The following CERT1 variants were observed in gnomAD, a reference collection of about 807,000 sequenced individuals.
The protein encoded by CERT1 is ceramide transfer protein.
Under a neutral mutation model 87.9 loss-of-function variants are expected in CERT1, and 31 were observed. That is an observed-to-expected ratio of 0.35 (90% CI 0.27 to 0.48). CERT1 has a LOEUF of 0.48. CERT1 is among the 20% of genes least tolerant of loss of function. The pLI is 0.99. For missense variants in CERT1, 487 were observed against 758.0 expected, an observed-to-expected ratio of 0.64 and a Z score of 4.20; for synonymous variants, 289 against 250.9, an observed-to-expected ratio of 1.15 and a Z score of -1.44.
At chr5:75,403,156 A>T in intron 8 of CERT1, 98 bp from the exon 9 acceptor site, 1 of 781,894 alleles carries the variant, frequency 1.3e-6, no homozygotes. Context: ...TTGACCTAAT[A>T]AACATTTATT....
intron 11 of CERT1, 55 bp downstream of exon 11, chr5:75,399,255 A>T: frequency 7.6e-7 from 1 of 1,309,320 alleles, no homozygotes; most frequent in African/African-American, 1.5e-5. Context: ...CTGGGAAAGC[A>T]GGCTGAAATA....
intron 2 of CERT1, among the ~76,000 whole-genome samples, chr5:75,486,060 T>C (rs1200669668): frequency 2.6e-5 from 4 of 151,840 alleles, no homozygotes; most frequent in African/African-American, 4.8e-5. Flanking sequence ...ACAAAGAAAA[T>C]TGCCGGCCAA....
Position 75,436,353 on chromosome 5 carries a change from T to C in CERT1, c.349-9875A>G, listed in dbSNP as rs151041762. Among the ~76,000 whole-genome samples, 473 of 152,318 alleles carry C rather than the reference T, an allele frequency of 3.1e-3. 3 individuals carry two copies. The highest frequency in any genetic ancestry group is 6.2e-3 in the South Asian group (30 of 4,828). ...CGGCCACCTGTGTGGAAAATTCTTA[T>C]GAAAGAATGAGGTGTATTAAAATCC... On this transcript the variant is annotated intron_variant, in intron 3 of 16. Coordinates refer to ENST00000643780, the MANE Select transcript of CERT1 (RefSeq NM_001379029.1).
At chr5:75,422,829 A>G (rs1348199303) in intron 5 of CERT1, among the ~76,000 whole-genome samples, 1 of 152,204 alleles carries the variant, frequency 6.6e-6, no homozygotes, top group Non-Finnish European at 1.5e-5. Context: ...CTAATCCACT[A>G]TGACTGTACA....
intron 15 of CERT1, 81 bp from the exon 16 acceptor site, chr5:75,381,282 CAAAATCGTAACTCTTAA>C: frequency 6.7e-7 from 1 of 1,483,252 alleles, no homozygotes; most frequent in Non-Finnish European, 9.3e-7. Flanking sequence ...TTAGGTTAAC[CAAAATCGTAACTCTTAA>C]AAGTATCTCC....
At chr5:75,379,928 T>C (rs1761496086) in intron 16 of CERT1, among the ~76,000 whole-genome samples, 1 of 152,102 alleles carries the variant, frequency 6.6e-6, no homozygotes, top group African/African-American at 2.4e-5. Flanking sequence ...TCCTTAACAC[T>C]ATCCATCAGA....
At chr5:75,368,655 T>C (rs1760976476) in exon 18 of CERT1, 1 of 152,218 alleles carries the variant, frequency 6.6e-6, no homozygotes, top group Non-Finnish European at 1.5e-5. Flanking sequence ...TTTCATCCTC[T>C]GAGCTGGAGG....
intron 3 of CERT1, among the ~76,000 whole-genome samples, chr5:75,431,165 C>T (rs573284393): frequency 1.8e-4 from 27 of 152,264 alleles, no homozygotes; most frequent in African/African-American, 4.8e-4. Flanking sequence ...TCACCTAGGA[C>T]GTGAGCTTAG....
At chr5:75,404,306 A>C (rs990355746) in intron 8 of CERT1, among the ~76,000 whole-genome samples, 16 of 151,702 alleles carry the variant, frequency 1.1e-4, no homozygotes, top group African/African-American at 1.7e-4. Context: ...AAAAAAAAAA[A>C]AAAAAAAACA....
intron 2 of CERT1, among the ~76,000 whole-genome samples, chr5:75,470,884 A>G (rs1265805779): frequency 6.6e-6 from 1 of 152,204 alleles, no homozygotes; most frequent in Admixed American, 6.5e-5. Flanking sequence ...TGAATTCAGT[A>G]AGCTTGCAGG....
intron 3 of CERT1, among the ~76,000 whole-genome samples, chr5:75,448,595 A>AATACTC (rs1580785656): frequency 6.6e-6 from 1 of 152,172 alleles, no homozygotes; most frequent in East Asian, 1.9e-4. Context: ...CTAATGTCCT[A>AATACTC]ATACTCAGCA....
chr5:75,448,773 T>C (rs904335744), intron 3 of CERT1, among the ~76,000 whole-genome samples: 11 of 152,300 alleles, frequency 7.2e-5, no homozygotes, highest in East Asian at 3.9e-4. Context: ...CATTAGGGCA[T>C]TGTACAGAAA....
chr5:75,475,021 C>T (rs928699051), intron 2 of CERT1, among the ~76,000 whole-genome samples: 3 of 151,922 alleles, frequency 2.0e-5, no homozygotes, highest in Admixed American at 1.3e-4. Context: ...TATCTAGTAC[C>T]TAACATACAT....
At chr5:75,404,065 T>C (rs1762607126) in intron 8 of CERT1, among the ~76,000 whole-genome samples, 1 of 152,068 alleles carries the variant, frequency 6.6e-6, no homozygotes, top group Non-Finnish European at 1.5e-5. Context: ...ATAAGACACA[T>C]GAACAATTGG....
downstream of CERT1, chr5:75,375,643 A>T (rs1452574220): frequency 2.0e-5 from 3 of 146,924 alleles, no homozygotes; most frequent in East Asian, 5.9e-4. Flanking sequence ...AATAAATAAA[A>T]ATATATATTA....
At chr5:75,467,432 A>T (rs1033386475) in intron 2 of CERT1, among the ~76,000 whole-genome samples, 4 of 152,000 alleles carry the variant, frequency 2.6e-5, no homozygotes, top group Non-Finnish European at 5.9e-5. Context: ...GCTTGAGCTC[A>T]GGGTTCAAGA....
At chr5:75,371,825 G>C (rs1389986381) in intron 17 of CERT1, 7 of 152,122 alleles carry the variant, frequency 4.6e-5, no homozygotes, top group Non-Finnish European at 8.8e-5. Context: ...GAGAAAACAT[G>C]AATATTCAGG....
chr5:75,459,550 T>C (rs1345933284), intron 2 of CERT1, among the ~76,000 whole-genome samples: 1 of 152,206 alleles, frequency 6.6e-6, no homozygotes, highest in Non-Finnish European at 1.5e-5. Context: ...TGGAGTGCAA[T>C]GGCATGAACA....
chr5:75,475,194 A>T (rs1281834669), intron 2 of CERT1, among the ~76,000 whole-genome samples: 3 of 152,188 alleles, frequency 2.0e-5, no homozygotes, highest in African/African-American at 7.2e-5. Context: ...TACCATACTG[A>T]CAATTTAATG....
Sources: allele counts gnomAD v4.1 joint callset (sites outside exome capture counted in the v4.1 genomes callset), GRCh38; gene constraint gnomAD v4.1.1; transcripts MANE v1.5; gene names NCBI Gene and HGNC (gene_info 2026-07-23, HGNC 2026-07-21).